TTC29: variants seen among roughly 807,000 people sequenced by gnomAD.
TTC29 encodes the protein tetratricopeptide repeat domain 29, also known as tetratricopeptide repeat protein 29.
In TTC29, 49 loss-of-function variants were observed where a neutral mutation model predicts 58.1. The ratio of observed to expected loss-of-function variants is 0.84; its 90% confidence interval spans 0.67 to 1.07. TTC29 has a LOEUF of 1.07. TTC29 is among the 50% of genes least tolerant of loss of function. The probability of loss-of-function intolerance (pLI) is 0.00; values close to 1 mark genes in which losing one functional copy is unlikely to be tolerated. For synonymous variants in TTC29, 209 were observed against 196.8 expected (o/e 1.06, Z -0.52); for missense variants, 582 against 555.6 (o/e 1.05, Z -0.48).
intron 11 of TTC29, among the ~76,000 whole-genome samples, chr4:146,723,653 A>G (rs1743550132): frequency 1.3e-5 from 2 of 152,242 alleles, no homozygotes; most frequent in African/African-American, 2.4e-5. Flanking sequence ...TAATCATCAG[A>G]GAAATGCAAA....
intron 6 of TTC29, among the ~76,000 whole-genome samples, chr4:146,879,925 C>T (rs556764533): frequency 6.6e-6 from 1 of 152,056 alleles, no homozygotes; most frequent in Non-Finnish European, 1.5e-5. Flanking sequence ...TCATGGTGCA[C>T]CAGGAATCAC....
chr4:146,843,906 A>G (rs1729004853), intron 8 of TTC29, among the ~76,000 whole-genome samples: 1 of 152,176 alleles, frequency 6.6e-6, no homozygotes, highest in Non-Finnish European at 1.5e-5. Context: ...GTTTTAGGGA[A>G]CGCTTTTTTA....
chr4:146,822,269 G>C (rs977351213), intron 9 of TTC29, among the ~76,000 whole-genome samples: 6 of 151,998 alleles, frequency 3.9e-5, no homozygotes, highest in African/African-American at 1.2e-4. Flanking sequence ...GGTGTGTGTT[G>C]TTCTCCTTTC....
intron 11 of TTC29, among the ~76,000 whole-genome samples, chr4:146,708,143 C>G (rs1199191366): frequency 6.6e-6 from 1 of 151,632 alleles, no homozygotes; most frequent in African/African-American, 2.4e-5. Context: ...CCAGACGAGC[C>G]CTGCCTGAAT....
At chr4:146,754,267 T>TA (rs1264014813) in intron 11 of TTC29, among the ~76,000 whole-genome samples, 1 of 151,896 alleles carries the variant, frequency 6.6e-6, no homozygotes, top group Non-Finnish European at 1.5e-5. Flanking sequence ...AAATAAAGCC[T>TA]ACCAAGATTG....
intron 8 of TTC29, among the ~76,000 whole-genome samples, chr4:146,849,550 G>A (rs1452641447): frequency 6.6e-6 from 1 of 152,048 alleles, no homozygotes; most frequent in Admixed American, 6.6e-5. Flanking sequence ...TGGTCACAGT[G>A]TTGCCTATTA....
At chr4:146,776,821 T>C (rs1049611103) in intron 11 of TTC29, among the ~76,000 whole-genome samples, 2 of 152,238 alleles carry the variant, frequency 1.3e-5, no homozygotes, top group African/African-American at 2.4e-5. Context: ...TGTGTGCTCA[T>C]TGTGGCAGTG....
At position 146,787,895 on chromosome 4, in the gene TTC29, C is replaced by A. The variant is rs1350755512; in HGVS notation, c.1330+15562G>T. Among the ~76,000 whole-genome samples, 9 of 75,536 alleles carry A rather than the reference C, an allele frequency of 1.2e-4. No homozygotes were observed. In the Admixed American group the frequency reaches 1.2e-3, roughly 10 times the overall value. 49.6% of individuals were successfully genotyped at this position (75,536 alleles called of 152,430 possible). ...GTCGGTCACCAGCTGCCAATCTGCC[C>A]CCTTTTTTTTTTATTTGGAGTTCAT... On this transcript the variant is annotated intron_variant, in intron 11 of 12. Coordinates refer to ENST00000325106, the MANE Select transcript of TTC29 (RefSeq NM_031956.4).
At chr4:146,801,910 C>T (rs1750249246) in intron 11 of TTC29, among the ~76,000 whole-genome samples, 1 of 127,428 alleles carries the variant, frequency 7.8e-6, no homozygotes, top group East Asian at 2.6e-4. Flanking sequence ...ACCCGGGAGG[C>T]AGAGCTTGCA....
intron 6 of TTC29, among the ~76,000 whole-genome samples, chr4:146,881,176 C>T (rs1444247597): frequency 3.3e-5 from 5 of 152,050 alleles, no homozygotes; most frequent in African/African-American, 9.7e-5. Context: ...ATCTCTAAGA[C>T]GCATAGACTG....
chr4:146,767,224 G>T (rs1747395334), intron 11 of TTC29, among the ~76,000 whole-genome samples: 2 of 151,832 alleles, frequency 1.3e-5, no homozygotes, highest in African/African-American at 4.8e-5. Context: ...CCTGGTTTTA[G>T]TCCTGGTTCT....
chr4:146,804,158 T>A (rs1402823879), intron 10 of TTC29, among the ~76,000 whole-genome samples: 1 of 152,130 alleles, frequency 6.6e-6, no homozygotes, highest in Non-Finnish European at 1.5e-5. Flanking sequence ...AGGAATTCCC[T>A]CATCTAGCCA....
intron 11 of TTC29, among the ~76,000 whole-genome samples, chr4:146,778,107 T>C (rs988977621): frequency 5.3e-5 from 8 of 151,984 alleles, no homozygotes; most frequent in African/African-American, 1.9e-4. Flanking sequence ...TCATTAGTTA[T>C]AGTGTTTTAT....
At chr4:146,728,349 GTGTTC>G (rs1323460217) in intron 11 of TTC29, among the ~76,000 whole-genome samples, 1 of 151,220 alleles carries the variant, frequency 6.6e-6, no homozygotes, top group Non-Finnish European at 1.5e-5. Context: ...CAGTCACTCA[GTGTTC>G]TGTTGAACAT....
intron 10 of TTC29, among the ~76,000 whole-genome samples, chr4:146,815,870 A>T (rs1211402364): frequency 6.6e-6 from 1 of 152,190 alleles, no homozygotes; most frequent in Non-Finnish European, 1.5e-5. Flanking sequence ...CTACCTCCAA[A>T]CAACACCCAA....
intron 11 of TTC29, among the ~76,000 whole-genome samples, chr4:146,796,689 C>T (rs1310358184): frequency 6.6e-6 from 1 of 152,112 alleles, no homozygotes; most frequent in Non-Finnish European, 1.5e-5. Flanking sequence ...ATATCACCAA[C>T]TGGATACATA....
chr4:146,761,807 T>C (rs1215771846), intron 11 of TTC29, among the ~76,000 whole-genome samples: 1 of 151,532 alleles, frequency 6.6e-6, no homozygotes, highest in Non-Finnish European at 1.5e-5. Flanking sequence ...TATTAGCTAA[T>C]TAATGATGAT....
At chr4:146,775,227 A>C (rs1748002256) in intron 11 of TTC29, among the ~76,000 whole-genome samples, 1 of 152,032 alleles carries the variant, frequency 6.6e-6, no homozygotes, top group Admixed American at 6.5e-5. Context: ...CTTTTACCTG[A>C]GAAATTTATC....
intron 11 of TTC29, among the ~76,000 whole-genome samples, chr4:146,752,044 A>G (rs1440809018): frequency 6.6e-6 from 1 of 152,032 alleles, no homozygotes; most frequent in East Asian, 1.9e-4. Flanking sequence ...GCTATTCAAC[A>G]TAGTGTTGGA....
Sources: allele counts gnomAD v4.1 joint callset (sites outside exome capture counted in the v4.1 genomes callset), GRCh38; gene constraint gnomAD v4.1.1; transcripts MANE v1.5; gene names NCBI Gene and HGNC (gene_info 2026-07-23, HGNC 2026-07-21).